Variants in NBEA observed in about 807,000 individuals in gnomAD.
NBEA encodes the protein lysosomal-trafficking regulator 2.
NBEA carries 44 observed loss-of-function variants against 343.4 expected under a neutral mutation model. The observed-to-expected ratio is 0.13, with a 90% CI of 0.10 to 0.16. NBEA has a LOEUF of 0.16. NBEA is among the 10% of genes least tolerant of loss of function. The probability of loss-of-function intolerance (pLI) is 1.00; values close to 1 mark genes in which losing one functional copy is unlikely to be tolerated. For synonymous variants in NBEA, 1,175 were observed against 1,238.7 expected (o/e 0.95, Z 1.08); for missense variants, 2,555 against 3,631.3 (o/e 0.70, Z 7.62).
intron 41 of NBEA, among the ~76,000 whole-genome samples, chr13:35,527,278 GTCA>G (rs1374552979): frequency 1.3e-5 from 2 of 152,138 alleles, no homozygotes; most frequent in Admixed American, 1.3e-4. Context: ...CGGCCGAACG[GTCA>G]TCAATGAAGT....
intron 1 of NBEA, among the ~76,000 whole-genome samples, chr13:35,015,686 A>T (rs1046051386): frequency 1.3e-5 from 2 of 152,068 alleles, no homozygotes. Context: ...CATTATGAAG[A>T]TTAGGAATAA....
chr13:34,976,492 T>G (rs960380301), intron 1 of NBEA, among the ~76,000 whole-genome samples: 5 of 152,078 alleles, frequency 3.3e-5, no homozygotes, highest in African/African-American at 1.2e-4. Context: ...TGGTGATGGG[T>G]GCACCAAAAA....
intron 20 of NBEA, 59 bp from the exon 21 acceptor site, chr13:35,157,019 A>G: frequency 7.4e-7 from 1 of 1,354,082 alleles, no homozygotes; most frequent in Non-Finnish European, 9.9e-7. Context: ...AAGTTTCAAA[A>G]TAGTAAATTC....
intron 43 of NBEA, 29 bp from the exon 44 acceptor site, chr13:35,554,958 A>G (rs759986888): frequency 6.8e-6 from 8 of 1,169,320 alleles, no homozygotes; most frequent in South Asian, 5.6e-5. Context: ...TAAAGAGACT[A>G]TGTTTGTTAT....
chr13:35,578,325 G>A (rs1192979915), intron 45 of NBEA, among the ~76,000 whole-genome samples: 1 of 152,026 alleles, frequency 6.6e-6, no homozygotes, highest in Non-Finnish European at 1.5e-5. Flanking sequence ...GGATCTGTGA[G>A]GAATGAGGAA....
At chr13:35,625,949 G>T (rs185424937) in intron 48 of NBEA, among the ~76,000 whole-genome samples, 3 of 152,210 alleles carry the variant, frequency 2.0e-5, no homozygotes, top group Admixed American at 6.6e-5. Context: ...TGCACTCCCA[G>T]TTCTACTCCA....
chr13:35,577,796 G>A (rs2080818474), intron 45 of NBEA, among the ~76,000 whole-genome samples: 3 of 152,104 alleles, frequency 2.0e-5, no homozygotes, highest in Admixed American at 1.3e-4. Context: ...GGGTTAAAAA[G>A]ATGAGAAAGT....
At chr13:35,410,629 T>A (rs2043526413) in intron 38 of NBEA, among the ~76,000 whole-genome samples, 1 of 152,208 alleles carries the variant, frequency 6.6e-6, no homozygotes, top group Non-Finnish European at 1.5e-5. Context: ...AGGACACTTT[T>A]GTAAGTGATA....
At chr13:35,045,173 A>G in intron 3 of NBEA, 126 bp downstream of exon 3, 1 of 1,203,676 alleles carries the variant, frequency 8.3e-7, no homozygotes. Context: ...TAAATGATTT[A>G]GTAAATGTTT....
At position 35,472,505 on chromosome 13, in the gene NBEA, A is replaced by G; in HGVS notation, c.6554A>G (p.Asp2185Gly). 6.2e-7 allele frequency: 1 copy of G among 1,613,992 alleles called. No homozygotes were observed. Among genetic ancestry groups the G allele is most frequent in the Non-Finnish European group, 8.5e-7 (1 of 1,179,882 alleles). ...TTEIYFEVDEDDSAFKKIDTK... is the reference protein window; with the variant it reads ...TTEIYFEVDEGDSAFKKIDTK... ...GAAATCTACTTCGAGGTAGATGAGG[A>G]TGATTCTGCCTTCAAGAAGATCGAC... The change falls in exon 41 of 59, where the codon GAT (aspartate) becomes GGT (glycine). Residue 2185 changes from aspartate to glycine, a missense_variant. Transcript: ENST00000379939.
intron 38 of NBEA, among the ~76,000 whole-genome samples, chr13:35,407,021 G>C (rs2043306565): frequency 1.3e-5 from 2 of 148,606 alleles, no homozygotes; most frequent in African/African-American, 2.5e-5. Flanking sequence ...GAGCAGTGGT[G>C]CAATCTCAGC....
At chr13:35,252,559 G>C (rs1336778301) in intron 34 of NBEA, among the ~76,000 whole-genome samples, 2 of 152,204 alleles carry the variant, frequency 1.3e-5, no homozygotes, top group African/African-American at 4.8e-5. Flanking sequence ...GGGGAGCACA[G>C]TTGTCAGCCT....
chr13:35,284,334 C>T (rs1473237496), intron 34 of NBEA, among the ~76,000 whole-genome samples: 2 of 152,124 alleles, frequency 1.3e-5, no homozygotes, highest in African/African-American at 2.4e-5. Flanking sequence ...AATGCATGAA[C>T]TCTCACTGTC....
intron 1 of NBEA, among the ~76,000 whole-genome samples, chr13:35,017,128 A>T (rs1259363358): frequency 6.6e-6 from 1 of 152,170 alleles, no homozygotes; most frequent in Non-Finnish European, 1.5e-5. Flanking sequence ...GGAAGGGAGC[A>T]AAGGCAAAAA....
chr13:35,591,126 T>C (rs1014008542), intron 46 of NBEA, among the ~76,000 whole-genome samples: 3 of 152,068 alleles, frequency 2.0e-5, no homozygotes, highest in African/African-American at 7.2e-5. Flanking sequence ...TTTAATCCCA[T>C]AATTCCCCCA....
intron 33 of NBEA, among the ~76,000 whole-genome samples, chr13:35,216,990 G>T (rs2152758052): frequency 6.6e-6 from 1 of 151,976 alleles, no homozygotes; most frequent in South Asian, 2.1e-4. Flanking sequence ...TTCTAGAGTG[G>T]CTTAACCACT....
intron 48 of NBEA, among the ~76,000 whole-genome samples, chr13:35,620,179 CT>C (rs1191493109): frequency 1.3e-5 from 2 of 152,042 alleles, no homozygotes; most frequent in Admixed American, 6.6e-5. Context: ...CTGGAGCTCA[CT>C]TTTGATCAAA....
rs1361259779 is a variant in NBEA at position 35,155,871 on chromosome 13, T to G, written c.2527+16T>G. The G allele has an allele frequency of 3.8e-6, 6 of 1,597,254 alleles. No homozygotes were observed. The highest frequency in any genetic ancestry group is 5.2e-6 in the Non-Finnish European group (6 of 1,164,860). On this transcript the variant is annotated intron_variant, in intron 19 of 58. Transcript: ENST00000379939. Reference sequence around the variant, plus strand: ...CAGAATCCAAGTGAGCAAATGGCAGTTCTTTACTGTATTGTGGTAGGCGCA... The same window carrying G: ...CAGAATCCAAGTGAGCAAATGGCAGGTCTTTACTGTATTGTGGTAGGCGCA...
chr13:35,657,801 A>G (rs2153083192), intron 55 of NBEA, among the ~76,000 whole-genome samples: 1 of 152,328 alleles, frequency 6.6e-6, no homozygotes, highest in South Asian at 2.1e-4. Context: ...CTAATTAATT[A>G]CCGTCTTCAA....
Sources: gnomAD v4.1 joint callset for allele counts (sites outside exome capture counted in the v4.1 genomes callset) on GRCh38, gnomAD v4.1.1 for gene constraint, MANE v1.5 for transcripts, NCBI Gene and HGNC (gene_info 2026-07-23, HGNC 2026-07-21) for gene names.